Variants in SBK1 observed in about 807,000 individuals in gnomAD.
SBK1 encodes SH3 domain binding kinase 1, also known as serine/threonine-protein kinase SBK1.
Under a neutral mutation model 24.4 loss-of-function variants are expected in SBK1, and 11 were observed. The ratio of observed to expected loss-of-function variants is 0.45; its 90% CI spans 0.28 to 0.75. The LOEUF is 0.75. Among genes scored for constraint, SBK1 ranks in the 30% least tolerant of loss-of-function variants. The pLI is 0.12. For synonymous variants in SBK1, 308 were observed against 284.4 expected, an observed-to-expected ratio of 1.08 and a Z score of -0.83; for missense variants, 467 against 620.5, an observed-to-expected ratio of 0.75 and a Z score of 2.63.
chr16:28,321,059 C>G lies in SBK1; in HGVS notation c.*138C>G, dbSNP rs1389289024. On this transcript the variant is annotated 3_prime_UTR_variant, in exon 4 of 4. Coordinates refer to ENST00000341901, the MANE Select transcript of SBK1 (RefSeq NM_001024401.3). The stretch of plus-strand genomic sequence containing the variant: ...AGACTAGGCAGGACGCGGCCCGGCA[C>G]CTGGTCCGTCCCCGGCGGGCTGGTG... 1 of 796,672 alleles carries G rather than the reference C, an allele frequency of 1.3e-6. No individual in the cohort carries two copies. Among genetic ancestry groups the G allele is most frequent in the African/African-American group, 1.9e-5 (1 of 52,938 alleles). The allele number at this position is 796,672 out of a possible 1,614,324, so 49.4% of individuals were successfully genotyped here. A position where few individuals can be genotyped will look rare whatever the true frequency, so the allele number is the denominator to read the frequency against.
At chr16:28,313,206 G>A (rs938992130) in intron 1 of SBK1, among the ~76,000 whole-genome samples, 1 of 152,070 alleles carries the variant, frequency 6.6e-6, no homozygotes, top group Non-Finnish European at 1.5e-5. Flanking sequence ...GAGGTGGGAG[G>A]ATTGCTTGAA....
intron 1 of SBK1, among the ~76,000 whole-genome samples, chr16:28,279,331 C>T (rs1215136074): frequency 1.4e-5 from 2 of 146,340 alleles, no homozygotes; most frequent in African/African-American, 2.5e-5. Flanking sequence ...CCCCAAAGTT[C>T]GAGGCTGCAG....
Position 28,320,840 on chromosome 16 carries a change from G to T in SBK1, c.1194G>T (p.Gly398=). Residue 398 remains glycine, a synonymous_variant, in exon 4 of 4, where the codon GGG becomes GGT. Coordinates refer to ENST00000341901, the MANE Select transcript of SBK1 (RefSeq NM_001024401.3). The surrounding 1 kb of genome is among the most constrained non-coding windows in gnomAD (Gnocchi z 8.5). ...PVPEPGLAPQ[G]PPGRTDGRAD... ...CCGAGCCCGGCCTAGCTCCCCAGGG[G>T]CCCCCCGGCCGGACCGACGGCCGCG... 6.8e-7 allele frequency: 1 copy of T among 1,467,342 alleles called. No homozygotes were observed. Among genetic ancestry groups the T allele is most frequent in the Non-Finnish European group, 9.0e-7 (1 of 1,110,248 alleles). 90.9% of individuals were successfully genotyped at this position (1,467,342 alleles called of 1,614,324 possible). A position where few individuals can be genotyped will look rare whatever the true frequency, so the allele number is the denominator to read the frequency against.
At chr16:28,267,027 C>T (rs569929234) in intron 1 of SBK1, among the ~76,000 whole-genome samples, 41 of 152,206 alleles carry the variant, frequency 2.7e-4, no homozygotes, top group African/African-American at 8.7e-4. Flanking sequence ...CTGCCTCAGC[C>T]TCCTGAGTAG....
Position 28,320,984 on chromosome 16 carries a change from C to A in SBK1, c.*63C>A. 7.6e-7 allele frequency: 1 copy of A among 1,308,084 alleles called. No homozygotes were observed. Among genetic ancestry groups the A allele is most frequent in the East Asian group, 3.7e-5 (1 of 26,806 alleles). 81.0% of individuals were successfully genotyped at this position (1,308,084 alleles called of 1,614,324 possible). A position where few individuals can be genotyped will look rare whatever the true frequency, so the allele number is the denominator to read the frequency against. On this transcript the variant is annotated 3_prime_UTR_variant, in exon 4 of 4. Coordinates refer to ENST00000341901, the MANE Select transcript of SBK1 (RefSeq NM_001024401.3). This position sits in a 1 kb window ranked among gnomAD's most constrained non-coding sequence, Gnocchi z 8.5. ...GCCCGCCCCGAGCCGGTGCCCGGTG[C>A]GGCGGTAGGGAATGGAGCCACCTCG...
chr16:28,308,249 C>T (rs1022871772), intron 1 of SBK1, among the ~76,000 whole-genome samples: 6 of 152,120 alleles, frequency 3.9e-5, no homozygotes, highest in Non-Finnish European at 5.9e-5. Flanking sequence ...CTCCCGGGTT[C>T]GTGCAATTCT....
At chr16:28,281,017 T>C (rs999545944) in intron 1 of SBK1, among the ~76,000 whole-genome samples, 3 of 152,126 alleles carry the variant, frequency 2.0e-5, no homozygotes, top group African/African-American at 7.2e-5. Context: ...GTCTTGGTAG[T>C]GATCTCAGTG....
At chr16:28,299,119 A>T (rs2044662025) in intron 1 of SBK1, among the ~76,000 whole-genome samples, 1 of 152,126 alleles carries the variant, frequency 6.6e-6, no homozygotes, top group African/African-American at 2.4e-5. Flanking sequence ...AGTGGTAAAA[A>T]ACGCAATCCC....
chr16:28,294,828 G>C (rs970194989), intron 1 of SBK1, among the ~76,000 whole-genome samples: 1 of 152,250 alleles, frequency 6.6e-6, no homozygotes, highest in South Asian at 2.1e-4. Flanking sequence ...CAGACCTCTG[G>C]CAGCCTCTCC....
chr16:28,283,056 C>T (rs1213786930), intron 1 of SBK1, among the ~76,000 whole-genome samples: 1 of 152,028 alleles, frequency 6.6e-6, no homozygotes, highest in Non-Finnish European at 1.5e-5. Context: ...CCTCAGCCTC[C>T]CGAGTAGCTG....
intron 1 of SBK1, among the ~76,000 whole-genome samples, chr16:28,314,635 CA>C (rs2044779923): frequency 6.6e-6 from 1 of 152,094 alleles, no homozygotes; most frequent in Non-Finnish European, 1.5e-5. Context: ...CTTCAGGGTG[CA>C]GGGGTGCTTA....
Position 28,320,336 on chromosome 16 carries a change from G to A in SBK1, c.690G>A (p.Val230=), listed in dbSNP as rs1009221507. Residue 230 remains valine (V), a synonymous_variant, in exon 4 of 4, where the codon GTG becomes GTA. Transcript: ENST00000341901. This position sits in a 1 kb window ranked among gnomAD's most constrained non-coding sequence, Gnocchi z 8.5. Reference sequence around the variant, plus strand: ...CGGGCCGCGCCGACGGGCTGGCGGTGGACACGGGCGTGGACGTGTGGGCCT... The same window carrying A: ...CGGGCCGCGCCGACGGGCTGGCGGTAGACACGGGCGTGGACGTGTGGGCCT... The part of the protein sequence containing the change: ...CQAGRADGLA[V]DTGVDVWAFG... The A allele has an allele frequency of 6.3e-6, 10 of 1,592,628 alleles. No individual in the cohort carries two copies. In the Admixed American group the frequency reaches 8.4e-5, roughly 13 times the overall value.
At chr16:28,282,291 G>A (rs1176827318) in intron 1 of SBK1, among the ~76,000 whole-genome samples, 1 of 151,588 alleles carries the variant, frequency 6.6e-6, no homozygotes, top group East Asian at 1.9e-4. Flanking sequence ...GCAGAAAGGA[G>A]GAAGAGGTGT....
At position 28,259,792 on chromosome 16, in the gene SBK1, G is replaced by A. The variant is rs2044385943; in HGVS notation, c.257+290G>A. ...TGGCTCCCAGCTCCCGTGGGATAAA[G>A]TTAACACTCGGCTGAGCATTCAAGG... On this transcript the variant is annotated intron_variant, in intron 1 of 3. Transcript: ENST00000671413. The surrounding 1 kb of genome is among the most constrained non-coding windows in gnomAD (Gnocchi z 6.0). 6.6e-6 allele frequency among the ~76,000 whole-genome samples: 1 copy of A among 152,110 alleles called. No individual in the cohort carries two copies. The highest frequency in any genetic ancestry group is 1.5e-5 in the Non-Finnish European group (1 of 68,014).
intron 1 of SBK1, among the ~76,000 whole-genome samples, chr16:28,302,030 G>A (rs2044683196): frequency 1.3e-5 from 2 of 152,248 alleles, no homozygotes; most frequent in Admixed American, 1.3e-4. Context: ...GGAGGGAGAG[G>A]CCTTATCTAG....
intron 1 of SBK1, among the ~76,000 whole-genome samples, chr16:28,311,027 C>T (rs117392345): frequency 7.9e-5 from 12 of 152,266 alleles, no homozygotes; most frequent in Non-Finnish European, 1.3e-4. Flanking sequence ...TGGATTAATT[C>T]CTTGTCTCCT....
Position 28,267,236 on chromosome 16 carries a change from G to A in SBK1, c.257+7734G>A, listed in dbSNP as rs112547410. Among the ~76,000 whole-genome samples, 1,328 of 152,094 alleles carry A rather than the reference G, an allele frequency of 8.7e-3. 14 individuals carry two copies. The highest frequency in any genetic ancestry group is 0.029 in the African/African-American group (1,185 of 41,506). On this transcript the variant is annotated intron_variant, in intron 1 of 3. Transcript: ENST00000671413. ...TTTTAATTTTTTATAAAGATGGGGT[G>A]GGGGGAGGCGGAGGCATCTCACTAT...
intron 1 of SBK1, among the ~76,000 whole-genome samples, chr16:28,309,998 C>G (rs762092018): frequency 1.3e-5 from 2 of 152,148 alleles, no homozygotes; most frequent in African/African-American, 4.8e-5. Flanking sequence ...CAACGCTTGC[C>G]GACCGCCAGC....
intron 1 of SBK1, among the ~76,000 whole-genome samples, chr16:28,275,042 AG>A (rs959588559): frequency 6.6e-6 from 1 of 152,126 alleles, no homozygotes; most frequent in African/African-American, 2.4e-5. Context: ...AAGTGGGAAA[AG>A]GGGCCGGGCG....
Sources: allele counts gnomAD v4.1 joint callset (sites outside exome capture counted in the v4.1 genomes callset), GRCh38; gene constraint gnomAD v4.1.1; non-coding constraint Gnocchi (gnomAD v3.1); transcripts MANE v1.5; gene names NCBI Gene and HGNC (gene_info 2026-07-23, HGNC 2026-07-21).